The following TSNARE1 variants were observed in gnomAD, a reference collection of about 807,000 sequenced individuals.
The protein encoded by TSNARE1 is t-SNARE domain-containing protein 1.
Under a neutral mutation model 62.0 loss-of-function variants are expected in TSNARE1, and 49 were observed. The observed-to-expected ratio is 0.79, with a 90% confidence interval of 0.63 to 1.00. The LOEUF (loss-of-function observed/expected upper bound fraction) is 1.00, where lower values mean the gene tolerates loss of function less well. Ranked by LOEUF, TSNARE1 falls within the 50% of genes least tolerant of loss-of-function variation. The pLI is 0.00. For synonymous variants in TSNARE1, 328 were observed against 294.4 expected (o/e 1.11, Z -1.17); for missense variants, 755 against 700.1 (o/e 1.08, Z -0.88).
chr8:142,213,657 G>A (rs560723053), intron 13 of TSNARE1, among the ~76,000 whole-genome samples: 14 of 152,188 alleles, frequency 9.2e-5, no homozygotes, highest in African/African-American at 2.4e-5. Flanking sequence ...TGGGGAGGGG[G>A]CCCCTCAGGA....
intron 12 of TSNARE1, among the ~76,000 whole-genome samples, chr8:142,230,806 ACCC>A (rs1189817746): frequency 1.3e-5 from 2 of 151,122 alleles, no homozygotes; most frequent in Non-Finnish European, 3.0e-5. Context: ...CCATCCATCC[ACCC>A]ACTCATCCAT....
intron 9 of TSNARE1, among the ~76,000 whole-genome samples, chr8:142,310,069 T>C (rs544017722): frequency 1.3e-5 from 2 of 152,338 alleles, no homozygotes; most frequent in South Asian, 4.1e-4. Flanking sequence ...GATCTATCCA[T>C]TTTCATTCTG....
At chr8:142,223,805 G>A (rs1232117526) in intron 13 of TSNARE1, among the ~76,000 whole-genome samples, 2 of 152,232 alleles carry the variant, frequency 1.3e-5, no homozygotes, top group South Asian at 2.1e-4. Flanking sequence ...TCCAGAGTGG[G>A]GAGATCATGG....
At chr8:142,327,626 G>A (rs1242229057) in intron 6 of TSNARE1, among the ~76,000 whole-genome samples, 1 of 152,218 alleles carries the variant, frequency 6.6e-6, no homozygotes, top group Non-Finnish European at 1.5e-5. Context: ...ACAGGGACTT[G>A]CCTTCAATCA....
At chr8:142,350,873 G>A (rs1586964631) in intron 2 of TSNARE1, among the ~76,000 whole-genome samples, 1 of 152,174 alleles carries the variant, frequency 6.6e-6, no homozygotes, top group Admixed American at 6.5e-5. Flanking sequence ...AGACACACTC[G>A]AAGGAGGAGC....
chr8:142,281,267 G>A (rs1821403150), intron 11 of TSNARE1, among the ~76,000 whole-genome samples: 1 of 152,150 alleles, frequency 6.6e-6, no homozygotes, highest in Non-Finnish European at 1.5e-5. Context: ...CTGAGGAAAA[G>A]AGACACCCAG....
At chr8:142,222,731 TCCACTCACTCAC>T (rs1563755907) in intron 13 of TSNARE1, among the ~76,000 whole-genome samples, 2,230 of 21,962 alleles carry the variant, frequency 0.1, 493 homozygotes, top group African/African-American at 0.27. Context: ...CACTCACTCA[TCCACTCACTCAC>T]TCACTCATCC....
At chr8:142,275,896 G>C (rs1820401978) in intron 11 of TSNARE1, 2 of 985,368 alleles carry the variant, frequency 2.0e-6, no homozygotes, top group South Asian at 9.4e-5. Context: ...GAAAGACAAG[G>C]CCACTCCCCA....
At chr8:142,278,902 C>T in intron 11 of TSNARE1, 1 of 659,674 alleles carries the variant, frequency 1.5e-6, no homozygotes, top group Non-Finnish European at 1.9e-6. Context: ...GCCCAGGCTC[C>T]TCCCTGGCTC....
Position 142,383,208 on chromosome 8 carries a change from G to T in TSNARE1, c.-40+19896C>A, listed in dbSNP as rs74421860. ...GGGAGGGGAGACAGGAGAACCAGGG[G>T]TCAGTGTGCGTGGAGAACAACCCAG... On this transcript the variant is annotated intron_variant, in intron 1 of 13. Coordinates refer to ENST00000524325, the MANE Select transcript of TSNARE1 (RefSeq NM_145003.5). Among the ~76,000 whole-genome samples the T allele has an allele frequency of 2.5e-4, 38 of 152,352 alleles. 1 individual carries two copies. The East Asian group carries it at 6.6e-3, about 26-fold the overall frequency.
chr8:142,277,179 T>C (rs1820638140), intron 11 of TSNARE1: 1 of 985,210 alleles, frequency 1.0e-6, no homozygotes. Flanking sequence ...GGGCACCTGC[T>C]CCTCCCAACA....
At chr8:142,306,374 T>C (rs961229397) in intron 9 of TSNARE1, among the ~76,000 whole-genome samples, 27 of 152,222 alleles carry the variant, frequency 1.8e-4, no homozygotes, top group African/African-American at 5.8e-4. Flanking sequence ...GGTGGAAATG[T>C]AGGCTGAGGT....
At chr8:142,283,161 G>A (rs540201659) in intron 11 of TSNARE1, among the ~76,000 whole-genome samples, 7 of 150,598 alleles carry the variant, frequency 4.6e-5, no homozygotes, top group Non-Finnish European at 7.4e-5. Context: ...GAGCAGAGGT[G>A]GGGCCAGTGT....
chr8:142,316,069 G>T (rs1399155430), intron 7 of TSNARE1, among the ~76,000 whole-genome samples: 1 of 152,178 alleles, frequency 6.6e-6, no homozygotes, highest in Non-Finnish European at 1.5e-5. Flanking sequence ...CACCATGTGG[G>T]GCCTTGCTCA....
intron 13 of TSNARE1, among the ~76,000 whole-genome samples, chr8:142,227,481 G>GC (rs1285223585): frequency 6.6e-6 from 1 of 151,308 alleles, no homozygotes; most frequent in Non-Finnish European, 1.5e-5. Context: ...TGGCAGCCAG[G>GC]CCCCCATTCC....
At chr8:142,329,319 G>A (rs543067667) in intron 6 of TSNARE1, among the ~76,000 whole-genome samples, 1 of 152,300 alleles carries the variant, frequency 6.6e-6, no homozygotes, top group African/African-American at 2.4e-5. Context: ...CTCAGACCAG[G>A]ACAGTCTCCT....
rs115676551 is a variant in TSNARE1, at chr8:142,227,375, C to G, written c.*11+2098G>C. 3.1e-3 allele frequency among the ~76,000 whole-genome samples: 284 copies of G among 93,040 alleles called. 1 individual carries two copies. Among genetic ancestry groups the G allele is most frequent in the African/African-American group, 0.018 (236 of 13,116 alleles). 61.0% of individuals were successfully genotyped at this position (93,040 alleles called of 152,430 possible). A position where few individuals can be genotyped will look rare whatever the true frequency, so the allele number is the denominator to read the frequency against. On this transcript the variant is annotated intron_variant, in intron 13 of 13. Transcript: ENST00000524325. ...CCCATAGCCCCAGTGACAGCCAGGA[C>G]CCCCATCCTGCCAATAGCCCCAGTG...
intron 13 of TSNARE1, among the ~76,000 whole-genome samples, chr8:142,222,198 TCAC>T (rs1586760713): frequency 4.8e-5 from 4 of 83,644 alleles, no homozygotes; most frequent in Non-Finnish European, 4.9e-5. Flanking sequence ...ACTCATTCAC[TCAC>T]TCACTCATCC....
intron 12 of TSNARE1, among the ~76,000 whole-genome samples, chr8:142,255,330 TCAC>T (rs1818372724): frequency 6.7e-6 from 1 of 149,060 alleles, no homozygotes; most frequent in African/African-American, 2.5e-5. Flanking sequence ...CACATCATTA[TCAC>T]CACCATCACC....
Sources: allele counts gnomAD v4.1 joint callset (sites outside exome capture counted in the v4.1 genomes callset), GRCh38; gene constraint gnomAD v4.1.1; transcripts MANE v1.5; gene names NCBI Gene and HGNC (gene_info 2026-07-23, HGNC 2026-07-21).